The following ARHGEF10 variants were observed in gnomAD, a reference collection of about 807,000 sequenced individuals.
The protein encoded by ARHGEF10 is Rho guanine nucleotide exchange factor (GEF) 10.
Under a neutral mutation model 147.4 loss-of-function variants are expected in ARHGEF10, and 140 were observed. The observed-to-expected ratio is 0.95, with a 90% CI of 0.83 to 1.09. The LOEUF (loss-of-function observed/expected upper bound fraction) is 1.09. Among genes scored for constraint, ARHGEF10 ranks in the 50% least tolerant of loss-of-function variants. The probability of loss-of-function intolerance (pLI) is 0.00; values close to 1 mark genes in which losing one functional copy is unlikely to be tolerated. For missense variants in ARHGEF10, 2,222 were observed against 1,752.7 expected, an observed-to-expected ratio of 1.27 and a Z score of -4.78; for synonymous variants, 902 against 695.8, an observed-to-expected ratio of 1.30 and a Z score of -4.67.
intron 7 of ARHGEF10, chr8:1,870,687 A>G (rs1239879120): frequency 7.9e-5 from 12 of 152,256 alleles, no homozygotes; most frequent in Non-Finnish European, 1.8e-4. Flanking sequence ...CTAAACTCAT[A>G]TGCACCTAAC....
At chr8:1,921,782 C>T (rs892243204) in intron 18 of ARHGEF10, among the ~76,000 whole-genome samples, 16 of 152,026 alleles carry the variant, frequency 1.1e-4, no homozygotes, top group African/African-American at 2.9e-4. Context: ...GGTCCACATC[C>T]GAGCCTGAGA....
At chr8:1,942,329 A>G (rs548072404) in intron 26 of ARHGEF10, among the ~76,000 whole-genome samples, 1 of 151,638 alleles carries the variant, frequency 6.6e-6, no homozygotes, top group South Asian at 2.1e-4. Flanking sequence ...AAGAAGATGT[A>G]CAGTCGACCC....
chr8:1,832,353 G>A (rs1803171748), intron 1 of ARHGEF10, among the ~76,000 whole-genome samples: 1 of 147,154 alleles, frequency 6.8e-6, no homozygotes, highest in Admixed American at 7.0e-5. Flanking sequence ...GAGAGACAGA[G>A]ACAGGCAGAG....
At chr8:1,888,258 A>ACAG (rs1808944162) in intron 11 of ARHGEF10, among the ~76,000 whole-genome samples, 2 of 64,842 alleles carry the variant, frequency 3.1e-5, no homozygotes, top group African/African-American at 1.2e-4. Context: ...TTGCGAGGAG[A>ACAG]TGCTGAGTGG....
At chr8:1,859,557 C>T (rs1211626548) in intron 3 of ARHGEF10, among the ~76,000 whole-genome samples, 1 of 152,222 alleles carries the variant, frequency 6.6e-6, no homozygotes, top group African/African-American at 2.4e-5. Flanking sequence ...GTGCACAGCA[C>T]CCGCCTCTCA....
At chr8:1,852,816 A>C (rs1805248316) in intron 2 of ARHGEF10, among the ~76,000 whole-genome samples, 1 of 152,230 alleles carries the variant, frequency 6.6e-6, no homozygotes, top group Non-Finnish European at 1.5e-5. Context: ...AGGCAGCCCC[A>C]ATGGCCCTGC....
chr8:1,827,878 C>T (rs148502684), intron 1 of ARHGEF10, among the ~76,000 whole-genome samples: 28 of 152,164 alleles, frequency 1.8e-4, no homozygotes, highest in African/African-American at 5.3e-4. Flanking sequence ...GTGACTGGTG[C>T]GGGGGCCCTT....
intron 8 of ARHGEF10, among the ~76,000 whole-genome samples, chr8:1,879,609 G>C (rs549913968): frequency 6.6e-6 from 1 of 151,500 alleles, no homozygotes; most frequent in South Asian, 2.1e-4. Flanking sequence ...CTGGAGGGCA[G>C]TGGCACCATC....
At chr8:1,901,941 T>C (rs1327903405) in intron 15 of ARHGEF10, among the ~76,000 whole-genome samples, 3 of 152,142 alleles carry the variant, frequency 2.0e-5, no homozygotes, top group Non-Finnish European at 4.4e-5. Flanking sequence ...TGACTACTAA[T>C]ATTCCTATAA....
intron 18 of ARHGEF10, among the ~76,000 whole-genome samples, chr8:1,921,731 G>A (rs569470852): frequency 1.8e-3 from 148 of 83,084 alleles, no homozygotes; most frequent in African/African-American, 5.1e-3. Flanking sequence ...GCGACACTTC[G>A]TCTCAAAAAA....
In ARHGEF10 at chr8:1,928,663, C is replaced by T. The variant is rs1474480290; in HGVS notation, c.2921+13C>T. On this transcript the variant is annotated intron_variant, in intron 24 of 28. Coordinates refer to ENST00000349830, the MANE Select transcript of ARHGEF10 (RefSeq NM_014629.4). ...CGGAGGAGGGAAGGTAGGGCATGCT[C>T]ACTGCGTTACAGAGAATTAGCAAGC... The T allele has an allele frequency of 6.2e-6, 10 of 1,613,196 alleles. No homozygotes were observed. Among genetic ancestry groups the T allele is most frequent in the African/African-American group, 4.0e-5 (3 of 74,866 alleles).
chr8:1,851,338 G>T (rs62477503), intron 2 of ARHGEF10, among the ~76,000 whole-genome samples: 1 of 86,648 alleles, frequency 1.2e-5, no homozygotes, highest in East Asian at 3.5e-4. Flanking sequence ...GAGGCCTCAC[G>T]CACACCGTGG....
At position 1,957,330 on chromosome 8, in the gene ARHGEF10, C is replaced by A; in HGVS notation, c.*67C>A. On this transcript the variant is annotated 3_prime_UTR_variant, in exon 29 of 29. Transcript: ENST00000349830. ...GTGACTTCTCAGCTAATCCTACAGC[C>A]TGAGTGGTTAAGCTGTGTCTACACT... The A allele has an allele frequency of 6.4e-7, 1 of 1,561,878 alleles. No homozygotes were observed. Among genetic ancestry groups the A allele is most frequent in the East Asian group, 2.3e-5 (1 of 43,246 alleles).
upstream of ARHGEF10, among the ~76,000 whole-genome samples, chr8:1,823,521 G>A (rs1287301251): frequency 1.3e-5 from 2 of 152,248 alleles, no homozygotes; most frequent in East Asian, 1.9e-4. Flanking sequence ...CAGAAAGGGC[G>A]GTGCTCTGGG....
At chr8:1,951,302 C>G (rs973137224) in intron 27 of ARHGEF10, among the ~76,000 whole-genome samples, 7 of 152,212 alleles carry the variant, frequency 4.6e-5, no homozygotes, top group African/African-American at 9.7e-5. Context: ...AAGCTGCTGC[C>G]GTGTTTCTCA....
chr8:1,829,340 G>A (rs1481976598), intron 1 of ARHGEF10, among the ~76,000 whole-genome samples: 1 of 152,258 alleles, frequency 6.6e-6, no homozygotes. Context: ...CGGGGTCAGC[G>A]GCATGGAACC....
rs1360940494 is a variant in ARHGEF10, at chr8:1,889,170, G to T, written c.1182+3463G>T. On this transcript the variant is annotated intron_variant, in intron 11 of 28. Coordinates refer to ENST00000349830, the MANE Select transcript of ARHGEF10 (RefSeq NM_014629.4). The stretch of plus-strand genomic sequence containing the variant: ...GGGTTGTGAGGAGACGCTGAGTTGG[G>T]GGGTTGTGAGGAGAGCGTGGGGTGA... Among the ~76,000 whole-genome samples the T allele has an allele frequency of 2.5e-5, 2 of 78,554 alleles. 1 individual carries two copies. Among genetic ancestry groups the T allele is most frequent in the Non-Finnish European group, 4.8e-5 (2 of 41,588 alleles). The allele number at this position is 78,554 out of a possible 152,430, so 51.5% of individuals were successfully genotyped here. A position where few individuals can be genotyped will look rare whatever the true frequency, so the allele number is the denominator to read the frequency against.
chr8:1,886,294 G>A (rs531517381), intron 11 of ARHGEF10, among the ~76,000 whole-genome samples: 1 of 152,252 alleles, frequency 6.6e-6, no homozygotes, highest in South Asian at 2.1e-4. Flanking sequence ...TGATACTTTG[G>A]GATGATGGGA....
chr8:1,878,967 T>C (rs1033425247), intron 8 of ARHGEF10, among the ~76,000 whole-genome samples: 1 of 152,214 alleles, frequency 6.6e-6, no homozygotes, highest in Non-Finnish European at 1.5e-5. Context: ...GTGGGAATAC[T>C]GTGTGGGGTG....
Sources: allele counts gnomAD v4.1 joint callset (sites outside exome capture counted in the v4.1 genomes callset), GRCh38; gene constraint gnomAD v4.1.1; transcripts MANE v1.5; gene names NCBI Gene and HGNC (gene_info 2026-07-23, HGNC 2026-07-21).